PUM1: variants seen among roughly 807,000 people sequenced by gnomAD.
PUM1 encodes the protein pumilio homolog 1.
A neutral mutation model predicts 131.8 loss-of-function variants in PUM1; 13 were observed. The observed-to-expected ratio is 0.10, with a 90% CI of 0.06 to 0.16. PUM1 has a LOEUF of 0.16. Ranked by LOEUF, PUM1 falls within the 10% of genes least tolerant of loss-of-function variation. The probability of loss-of-function intolerance (pLI) is 1.00; values close to 1 mark genes in which losing one functional copy is unlikely to be tolerated. For missense variants in PUM1, 961 were observed against 1,512.4 expected (o/e 0.64, Z 6.05); for synonymous variants, 509 against 556.5 (o/e 0.91, Z 1.20).
chr1:30,981,484 T>C, intron 7 of PUM1, 79 bp from the exon 8 acceptor site: 2 of 817,492 alleles, frequency 2.4e-6, no homozygotes, highest in South Asian at 3.5e-5. Flanking sequence ...GACTAAAAAT[T>C]TTAATAAGCA....
chr1:31,038,367 C>T (rs901559589), intron 2 of PUM1, among the ~76,000 whole-genome samples: 4 of 152,134 alleles, frequency 2.6e-5, no homozygotes, highest in African/African-American at 9.7e-5. Flanking sequence ...TCTCCCTTTG[C>T]GATGGACTAG....
At chr1:30,962,971 G>A (rs1238199262) in intron 14 of PUM1, among the ~76,000 whole-genome samples, 1 of 152,126 alleles carries the variant, frequency 6.6e-6, no homozygotes, top group African/African-American at 2.4e-5. Flanking sequence ...ACATATTTCT[G>A]GATTTGGTAA....
intron 14 of PUM1, among the ~76,000 whole-genome samples, chr1:30,963,477 A>G (rs146921865): frequency 5.4e-4 from 83 of 152,366 alleles, no homozygotes; most frequent in African/African-American, 1.9e-3. Flanking sequence ...ACGCACACAC[A>G]TGCCAATGTG....
intron 16 of PUM1, among the ~76,000 whole-genome samples, chr1:30,950,946 A>AT (rs577074288): frequency 5.3e-5 from 8 of 151,814 alleles, no homozygotes; most frequent in South Asian, 4.2e-4. Context: ...AAGAGAATTG[A>AT]TTTTTTTTTC....
At chr1:31,005,813 G>A (rs865975178) in intron 5 of PUM1, 40 bp downstream of exon 5, 4 of 1,516,588 alleles carry the variant, frequency 2.6e-6, no homozygotes, top group Admixed American at 4.2e-5. Context: ...GAGAGAGAGA[G>A]AGAGAGAGAG....
chr1:31,059,078 AGTAACT>A (rs2124006862), intron 2 of PUM1, 120 bp downstream of exon 2: 1 of 1,121,174 alleles, frequency 8.9e-7, no homozygotes, highest in East Asian at 2.4e-5. Context: ...CTTTATAACA[AGTAACT>A]GTTTGTACCA....
intron 12 of PUM1, 24 bp from the exon 13 acceptor site, chr1:30,966,302 T>C (rs371552342): frequency 7.1e-6 from 11 of 1,549,668 alleles, no homozygotes; most frequent in South Asian, 1.2e-5. Flanking sequence ...AGCAAACCGT[T>C]TGGCTATGAA....
At chr1:30,944,332 G>A (rs1166269170) in intron 18 of PUM1, among the ~76,000 whole-genome samples, 2 of 152,038 alleles carry the variant, frequency 1.3e-5, no homozygotes, top group Admixed American at 1.3e-4. Flanking sequence ...CACCCAAAGG[G>A]GAGCTGAGTT....
chr1:31,017,991 G>C (rs759048086), intron 3 of PUM1, among the ~76,000 whole-genome samples: 18 of 152,132 alleles, frequency 1.2e-4, no homozygotes, highest in Non-Finnish European at 2.4e-4. Context: ...TGGAAGTAGG[G>C]GCAAGGACAA....
At chr1:31,039,968 C>T (rs1226937870) in intron 2 of PUM1, among the ~76,000 whole-genome samples, 1 of 152,122 alleles carries the variant, frequency 6.6e-6, no homozygotes. Context: ...CCCTGGGCGA[C>T]AAGAGCGAAA....
chr1:31,020,283 C>T (rs922760239), intron 3 of PUM1, among the ~76,000 whole-genome samples: 4 of 152,102 alleles, frequency 2.6e-5, no homozygotes. Flanking sequence ...CCACATGTTC[C>T]TTATCCAATT....
chr1:30,948,648 G>A (rs1458471067), intron 17 of PUM1, among the ~76,000 whole-genome samples: 2 of 152,154 alleles, frequency 1.3e-5, no homozygotes, highest in East Asian at 3.9e-4. Flanking sequence ...CTACTCAGGA[G>A]GCTAAGATGG....
At chr1:30,972,589 C>T (rs1640961299) in intron 10 of PUM1, among the ~76,000 whole-genome samples, 1 of 141,504 alleles carries the variant, frequency 7.1e-6, no homozygotes, top group African/African-American at 2.6e-5. Flanking sequence ...GTCTGGCCAC[C>T]ATGGTGAAAT....
chr1:30,978,925 C>G (rs1001519581), intron 9 of PUM1, among the ~76,000 whole-genome samples: 3 of 152,028 alleles, frequency 2.0e-5, no homozygotes, highest in Non-Finnish European at 2.9e-5. Context: ...GCAACGCTGG[C>G]GAGACCACCC....
At chr1:30,934,197 T>C (rs1247721397) in intron 21 of PUM1, among the ~76,000 whole-genome samples, 1 of 152,200 alleles carries the variant, frequency 6.6e-6, no homozygotes, top group East Asian at 1.9e-4. Context: ...GCTTCTTCTC[T>C]GGAAGCCCCT....
At chr1:30,959,829 C>CCCA (rs537012907) in intron 14 of PUM1, among the ~76,000 whole-genome samples, 40 of 151,654 alleles carry the variant, frequency 2.6e-4, no homozygotes, top group African/African-American at 9.2e-4. Flanking sequence ...ATGGTGTGAA[C>CCCA]CCAGGGGGCA....
chr1:31,023,229 T>C (rs1016954873), intron 3 of PUM1, among the ~76,000 whole-genome samples: 3 of 151,776 alleles, frequency 2.0e-5, no homozygotes, highest in African/African-American at 7.3e-5. Flanking sequence ...CACTGCTTGG[T>C]CACATATTTT....
intron 2 of PUM1, among the ~76,000 whole-genome samples, chr1:31,057,419 A>AAG (rs1553154114): frequency 6.8e-6 from 1 of 147,572 alleles, no homozygotes; most frequent in Non-Finnish European, 1.5e-5. Flanking sequence ...AAAAAAAAAA[A>AAG]AAAGAAAAAG....
At chr1:31,049,636 T>C (rs2124585829) in intron 2 of PUM1, among the ~76,000 whole-genome samples, 1 of 152,106 alleles carries the variant, frequency 6.6e-6, no homozygotes, top group African/African-American at 2.4e-5. Flanking sequence ...TCTGAGATCC[T>C]GCCACTTCTC....
Sources: allele counts gnomAD v4.1 joint callset (sites outside exome capture counted in the v4.1 genomes callset), GRCh38; gene constraint gnomAD v4.1.1; transcripts MANE v1.5; gene names NCBI Gene and HGNC (gene_info 2026-07-23, HGNC 2026-07-21).